ARNT2: variants seen among roughly 807,000 people sequenced by gnomAD.
ARNT2 encodes the protein aryl hydrocarbon receptor nuclear translocator 2, also known as ARNT protein 2.
Under a neutral mutation model 91.7 loss-of-function variants are expected in ARNT2, and 36 were observed. That is an observed-to-expected ratio of 0.39 (90% confidence interval 0.30 to 0.52). The LOEUF (loss-of-function observed/expected upper bound fraction) is 0.52, where lower values mean the gene tolerates loss of function less well. Ranked by LOEUF, ARNT2 falls within the 20% of genes least tolerant of loss-of-function variation. ARNT2 has a pLI of 0.72. For missense variants in ARNT2, 775 were observed against 939.3 expected, an observed-to-expected ratio of 0.83 and a Z score of 2.29; for synonymous variants, 365 against 347.1, an observed-to-expected ratio of 1.05 and a Z score of -0.57.
chr15:80,435,664 C>T (rs1040573197), intron 1 of ARNT2, among the ~76,000 whole-genome samples: 15 of 152,280 alleles, frequency 9.9e-5, no homozygotes, highest in Non-Finnish European at 1.0e-4. Context: ...CTGTCCAAGG[C>T]CATTACCGGC....
At chr15:80,414,767 C>CTT (rs373485429) in intron 1 of ARNT2, among the ~76,000 whole-genome samples, 2 of 105,304 alleles carry the variant, frequency 1.9e-5, no homozygotes, top group African/African-American at 6.4e-5. Flanking sequence ...TTCTCTCTCT[C>CTT]TTTTTTTTTT....
intron 1 of ARNT2, among the ~76,000 whole-genome samples, chr15:80,432,966 T>C (rs1479026944): frequency 6.6e-6 from 1 of 152,214 alleles, no homozygotes; most frequent in Non-Finnish European, 1.5e-5. Context: ...ATGCCTTGTG[T>C]GTAAACATTT....
intron 8 of ARNT2, among the ~76,000 whole-genome samples, chr15:80,515,275 A>G (rs1897414254): frequency 1.3e-5 from 2 of 152,262 alleles, no homozygotes; most frequent in Admixed American, 1.3e-4. Context: ...TACAACCAAG[A>G]GAATTGAAAA....
intron 16 of ARNT2, among the ~76,000 whole-genome samples, chr15:80,580,787 C>T (rs990524019): frequency 6.6e-6 from 1 of 152,144 alleles, no homozygotes; most frequent in Non-Finnish European, 1.5e-5. Flanking sequence ...AGGCAGCTGG[C>T]AGGGAAAGGT....
chr15:80,552,534 A>C, intron 9 of ARNT2, 106 bp from the exon 10 acceptor site: 2 of 1,386,402 alleles, frequency 1.4e-6, no homozygotes, highest in Non-Finnish European at 2.0e-6. Flanking sequence ...ATGACATGGA[A>C]GGATCTTTGA....
intron 1 of ARNT2, chr15:80,444,345 G>A (rs1896250025): frequency 6.9e-6 from 1 of 145,070 alleles, no homozygotes; most frequent in African/African-American, 2.7e-5. Flanking sequence ...TGTGTGGTTT[G>A]TGTGTACGTG....
chr15:80,495,480 A>G (rs897048921), intron 5 of ARNT2, among the ~76,000 whole-genome samples: 1 of 152,228 alleles, frequency 6.6e-6, no homozygotes, highest in Admixed American at 6.5e-5. Flanking sequence ...ACTGCAAATC[A>G]TATGAATTTT....
At chr15:80,553,480 T>A (rs1326912692) in intron 10 of ARNT2, among the ~76,000 whole-genome samples, 2 of 152,216 alleles carry the variant, frequency 1.3e-5, no homozygotes, top group African/African-American at 4.8e-5. Flanking sequence ...TAAGATAATC[T>A]CATTTTTATG....
At chr15:80,433,420 G>C (rs1029825830) in intron 1 of ARNT2, among the ~76,000 whole-genome samples, 1 of 151,572 alleles carries the variant, frequency 6.6e-6, no homozygotes, top group Non-Finnish European at 1.5e-5. Flanking sequence ...CGAGTAGCTG[G>C]GTCTACAGGT....
chr15:80,483,490 A>G (rs1161484945), intron 5 of ARNT2, among the ~76,000 whole-genome samples: 3 of 152,168 alleles, frequency 2.0e-5, no homozygotes, highest in Non-Finnish European at 2.9e-5. Flanking sequence ...TGTCCCCTCT[A>G]TGCTTGCTAT....
intron 12 of ARNT2, among the ~76,000 whole-genome samples, chr15:80,568,120 C>CT (rs1178768628): frequency 2.0e-5 from 3 of 152,166 alleles, no homozygotes; most frequent in Non-Finnish European, 4.4e-5. Flanking sequence ...ATCATCCTTG[C>CT]TTTTTTTCCT....
intron 1 of ARNT2, among the ~76,000 whole-genome samples, chr15:80,423,839 CAG>C (rs1895896274): frequency 6.6e-6 from 1 of 151,886 alleles, no homozygotes; most frequent in African/African-American, 2.4e-5. Context: ...GCTCCAAAGA[CAG>C]ACAGCCCAGT....
chr15:80,445,462 G>C (rs767871866), intron 1 of ARNT2, among the ~76,000 whole-genome samples: 2 of 148,806 alleles, frequency 1.3e-5, no homozygotes, highest in African/African-American at 5.0e-5. Context: ...GTGTGTTGAT[G>C]TGAGTGACGT....
intron 17 of ARNT2, among the ~76,000 whole-genome samples, chr15:80,587,405 G>C (rs1893193506): frequency 6.6e-6 from 1 of 151,858 alleles, no homozygotes; most frequent in Non-Finnish European, 1.5e-5. Context: ...CCTTGGTTTG[G>C]TGGGGGGGTG....
intron 12 of ARNT2, among the ~76,000 whole-genome samples, chr15:80,572,808 G>A (rs772273533): frequency 1.2e-4 from 19 of 152,200 alleles, no homozygotes; most frequent in Admixed American, 2.6e-4. Context: ...TAATTGCAGC[G>A]TGCATAATAT....
chr15:80,508,505 C>A (rs774045169), intron 6 of ARNT2, among the ~76,000 whole-genome samples: 10 of 152,088 alleles, frequency 6.6e-5, no homozygotes, highest in Non-Finnish European at 1.5e-4. Context: ...AGATTTACAC[C>A]CTCTTGTCCA....
Position 80,470,463 on chromosome 15 carries a change from C to CG in ARNT2, c.408+38dup, listed in dbSNP as rs747611441. 4 of 1,602,368 alleles carry CG rather than the reference C, an allele frequency of 2.5e-6. No homozygotes were observed. In the African/African-American group the frequency reaches 4.0e-5, roughly 16 times the overall value. On this transcript the variant is annotated intron_variant, in intron 4 of 18. Coordinates refer to ENST00000303329, the MANE Select transcript of ARNT2 (RefSeq NM_014862.4). ...TGGTCATCACATCACCATTGGAAAG[C>CG]GGGGGGAATCCCAGCGTCACCAAGA...
chr15:80,562,295 A>G (rs970944459), intron 11 of ARNT2, among the ~76,000 whole-genome samples: 4 of 152,060 alleles, frequency 2.6e-5, no homozygotes, highest in Admixed American at 2.0e-4. Context: ...GCATATTTTC[A>G]ATAGAACAAA....
intron 11 of ARNT2, among the ~76,000 whole-genome samples, chr15:80,561,681 C>T (rs1288127493): frequency 6.6e-6 from 1 of 152,132 alleles, no homozygotes; most frequent in African/African-American, 2.4e-5. Flanking sequence ...TGTGCCTTCC[C>T]ACTCTGCCCA....
Sources: gnomAD v4.1 joint callset for allele counts (sites outside exome capture counted in the v4.1 genomes callset) on GRCh38, gnomAD v4.1.1 for gene constraint, MANE v1.5 for transcripts, NCBI Gene and HGNC (gene_info 2026-07-23, HGNC 2026-07-21) for gene names.